The following TRIM5 variants were observed in gnomAD, a reference collection of about 807,000 sequenced individuals.
TRIM5 encodes the protein tripartite motif-containing protein 5.
In TRIM5, 31 loss-of-function variants were observed where a neutral mutation model predicts 35.6. The observed-to-expected ratio is 0.87, with a 90% CI of 0.65 to 1.18. TRIM5 has a LOEUF of 1.18. TRIM5 is among the 50% of genes most tolerant of loss of function. The probability of loss-of-function intolerance (pLI) is 0.00; values close to 1 mark genes in which losing one functional copy is unlikely to be tolerated. For synonymous variants in TRIM5, 243 were observed against 215.6 expected (o/e 1.13, Z -1.11); for missense variants, 609 against 591.6 (o/e 1.03, Z -0.31).
intron 2 of TRIM5, among the ~76,000 whole-genome samples, chr11:5,679,389 C>T (rs929320521): frequency 1.3e-5 from 2 of 152,192 alleles, no homozygotes; most frequent in Non-Finnish European, 1.5e-5. Context: ...CATGAGTAGA[C>T]TGATTCTTTT....
At chr11:5,642,593 G>T in the TRIM5 span, 1 of 1,499,610 alleles carries the variant, frequency 6.7e-7, no homozygotes, top group African/African-American at 1.4e-5. Context: ...TTAAAATTGA[G>T]GACAGAAGAG....
At chr11:5,641,347 G>GC in the TRIM5 span, 1 of 1,495,532 alleles carries the variant, frequency 6.7e-7, no homozygotes, top group Admixed American at 2.2e-5. Flanking sequence ...GAGTATTTGA[G>GC]TGTTCCGTAA....
chr11:5,608,353 C>G, the TRIM5 span: 1 of 1,613,162 alleles, frequency 6.2e-7, no homozygotes, highest in Non-Finnish European at 8.5e-7. Context: ...TTGACTTAAC[C>G]TGTCTTTTTC....
At chr11:5,608,240 T>A in the TRIM5 span, 1 of 1,374,286 alleles carries the variant, frequency 7.3e-7, no homozygotes, top group Non-Finnish European at 9.7e-7. Flanking sequence ...GAGTTTTTTC[T>A]CTACTTTGTG....
the TRIM5 span, among the ~76,000 whole-genome samples, chr11:5,646,490 C>T: frequency 6.6e-6 from 1 of 152,202 alleles, no homozygotes; most frequent in Non-Finnish European, 1.5e-5. Context: ...CTGTCTAGCA[C>T]CTGCCACCAC....
chr11:5,645,365 C>T, the TRIM5 span, among the ~76,000 whole-genome samples: 8 of 140,496 alleles, frequency 5.7e-5, no homozygotes, highest in Admixed American at 5.3e-4. Flanking sequence ...GCACTCCAGC[C>T]TGGGCAACAA....
intron 5 of TRIM5, chr11:5,666,378 T>TAA (rs397738949): frequency 6.9e-4 from 124 of 180,804 alleles, no homozygotes; most frequent in African/African-American, 1.4e-3. Flanking sequence ...TCATAGGACA[T>TAA]AAAAAAAAAA....
At chr11:5,611,826 A>C in the TRIM5 span, 1 of 155,396 alleles carries the variant, frequency 6.4e-6, no homozygotes, top group African/African-American at 2.4e-5. Context: ...TTGACTGATG[A>C]CAGGTCTTGA....
intron 4 of TRIM5, among the ~76,000 whole-genome samples, chr11:5,673,095 A>C (rs1023073900): frequency 6.6e-6 from 1 of 152,186 alleles, no homozygotes; most frequent in Non-Finnish European, 1.5e-5. Flanking sequence ...AATTGCATTA[A>C]ATGTTATAAT....
At chr11:5,613,604 C>A in the TRIM5 span, among the ~76,000 whole-genome samples, 1 of 152,176 alleles carries the variant, frequency 6.6e-6, no homozygotes, top group South Asian at 2.1e-4. Flanking sequence ...AGAGAAAGAT[C>A]TGCTGGAGTA....
the TRIM5 span, among the ~76,000 whole-genome samples, chr11:5,592,462 C>A: frequency 6.6e-6 from 1 of 152,108 alleles, no homozygotes; most frequent in Non-Finnish European, 1.5e-5. Flanking sequence ...AGTAAATGAG[C>A]TAGGATCTGA....
chr11:5,637,548 AG>A, the TRIM5 span, among the ~76,000 whole-genome samples: 1 of 152,224 alleles, frequency 6.6e-6, no homozygotes, highest in African/African-American at 2.4e-5. Flanking sequence ...TAGCTAAATG[AG>A]GGAAAGAAGA....
the TRIM5 span, among the ~76,000 whole-genome samples, chr11:5,636,371 T>G: frequency 2.0e-5 from 3 of 152,188 alleles, no homozygotes; most frequent in Admixed American, 1.3e-4. Flanking sequence ...TGGGGAAGAA[T>G]AGGAAGTAAT....
chr11:5,598,711 C>T, the TRIM5 span, among the ~76,000 whole-genome samples: 1 of 152,212 alleles, frequency 6.6e-6, no homozygotes, highest in South Asian at 2.1e-4. Context: ...AGAGCCATAT[C>T]TGGCTACATG....
chr11:5,682,246 A>C (rs750599593), intron 1 of TRIM5, among the ~76,000 whole-genome samples: 3 of 152,210 alleles, frequency 2.0e-5, no homozygotes, highest in Admixed American at 6.5e-5. Flanking sequence ...TCTACTAAAA[A>C]TACAAAATGA....
intron 7 of TRIM5, 117 bp from the exon 8 acceptor site, chr11:5,665,512 A>C: frequency 1.3e-6 from 2 of 1,550,340 alleles, no homozygotes; most frequent in South Asian, 2.6e-5. Context: ...AGAAGTTATA[A>C]GGAGGGGTAA....
the TRIM5 span, among the ~76,000 whole-genome samples, chr11:5,601,702 G>A: frequency 6.6e-6 from 1 of 152,150 alleles, no homozygotes; most frequent in South Asian, 2.1e-4. Context: ...AGGTTGCAGT[G>A]AGCCGAGATA....
intron 4 of TRIM5, 73 bp from the exon 5 acceptor site, chr11:5,667,784 C>G: frequency 6.6e-7 from 1 of 1,525,732 alleles, no homozygotes; most frequent in Non-Finnish European, 9.0e-7. Flanking sequence ...CATCACATTT[C>G]CCCCGGTTCC....
the TRIM5 span, among the ~76,000 whole-genome samples, chr11:5,636,875 G>A: frequency 4.6e-5 from 7 of 152,284 alleles, no homozygotes; most frequent in East Asian, 1.9e-4. Flanking sequence ...GGCGGGGCGC[G>A]GTGGCTCACG....
Sources: gnomAD v4.1 joint callset for allele counts (sites outside exome capture counted in the v4.1 genomes callset) on GRCh38, gnomAD v4.1.1 for gene constraint, MANE v1.5 for transcripts, NCBI Gene and HGNC (gene_info 2026-07-23, HGNC 2026-07-21) for gene names.